The following PCNX2 variants were observed in gnomAD, a reference collection of about 807,000 sequenced individuals.
PCNX2 encodes the protein pecanex-like protein 2.
Under a neutral mutation model 223.8 loss-of-function variants are expected in PCNX2, and 168 were observed. That is an observed-to-expected ratio of 0.75 (90% CI 0.66 to 0.85). The LOEUF (loss-of-function observed/expected upper bound fraction) is 0.85. Ranked by LOEUF, PCNX2 falls within the 40% of genes least tolerant of loss-of-function variation. The pLI is 0.00. For missense variants in PCNX2, 2,507 were observed against 2,675.5 expected, an observed-to-expected ratio of 0.94 and a Z score of 1.39; for synonymous variants, 1,006 against 1,052.6, an observed-to-expected ratio of 0.96 and a Z score of 0.86.
intron 8 of PCNX2, 73 bp from the exon 9 acceptor site, chr1:233,237,053 C>T (rs1396267671): frequency 1.7e-5 from 27 of 1,581,896 alleles, no homozygotes; most frequent in Non-Finnish European, 2.2e-5. Flanking sequence ...TACACAAACA[C>T]AAGGACAATA....
chr1:233,237,201 G>A (rs1658476068), intron 8 of PCNX2, among the ~76,000 whole-genome samples: 1 of 152,194 alleles, frequency 6.6e-6, no homozygotes. Flanking sequence ...AGGCTACCCA[G>A]GGTTGCAGTG....
chr1:233,021,678 C>T (rs1010149296), intron 26 of PCNX2, among the ~76,000 whole-genome samples: 8 of 152,154 alleles, frequency 5.3e-5, no homozygotes, highest in African/African-American at 1.9e-4. Flanking sequence ...CTGCCTGCCT[C>T]TCCTAGCCCA....
At chr1:233,324,000 T>A in the PCNX2 span, among the ~76,000 whole-genome samples, 1 of 152,184 alleles carries the variant, frequency 6.6e-6, no homozygotes, top group African/African-American at 2.4e-5. Context: ...AATAAACACA[T>A]GAATGATAAG....
chr1:233,211,078 G>A (rs576321711), intron 12 of PCNX2, among the ~76,000 whole-genome samples: 3 of 152,156 alleles, frequency 2.0e-5, no homozygotes, highest in South Asian at 2.1e-4. Flanking sequence ...CAGCTGCTTC[G>A]AATGTTCTGT....
In PCNX2 at chr1:233,000,929, A is replaced by G. The variant is rs1670060194; in HGVS notation, c.5098-394T>C. Among the ~76,000 whole-genome samples the G allele has an allele frequency of 2.0e-5, 3 of 152,236 alleles. No individual in the cohort carries two copies. The highest frequency in any genetic ancestry group is 6.5e-5 in the Admixed American group (1 of 15,286). ...AGTCAAGACTATCTGGACGGCTTCA[A>G]TGCTTAGTTACCTAAGTAATAAACC... On this transcript the variant is annotated intron_variant, in intron 29 of 33. Transcript: ENST00000258229. The surrounding 1 kb of genome is among the most constrained non-coding windows in gnomAD (Gnocchi z 4.6).
At position 233,135,357 on chromosome 1, in the gene PCNX2, C is replaced by G. The variant is rs180913730; in HGVS notation, c.3660-167G>C. On this transcript the variant is annotated intron_variant, in intron 20 of 33. Coordinates refer to ENST00000258229, the MANE Select transcript of PCNX2 (RefSeq NM_014801.4). ...TGTCTGCATTTTACAGGGGTATAAA[C>G]TGAATATCAAGGAATTTGAGGAACT... Among the ~76,000 whole-genome samples the G allele has an allele frequency of 1.1e-4, 16 of 152,280 alleles. No homozygotes were observed. The East Asian group carries it at 3.1e-3, about 29-fold the overall frequency.
At chr1:233,257,443 T>A (rs767025020) in intron 5 of PCNX2, among the ~76,000 whole-genome samples, 16 of 152,238 alleles carry the variant, frequency 1.1e-4, no homozygotes, top group Non-Finnish European at 4.4e-5. Flanking sequence ...AATAATTATG[T>A]TGGCAAAACA....
intron 23 of PCNX2, among the ~76,000 whole-genome samples, chr1:233,077,915 G>C (rs980190642): frequency 7.9e-5 from 12 of 152,156 alleles, no homozygotes; most frequent in African/African-American, 2.9e-4. Context: ...CTATGGAGTG[G>C]AGATGATGAC....
At chr1:233,188,627 A>T (rs1263985078) in intron 15 of PCNX2, among the ~76,000 whole-genome samples, 2 of 151,920 alleles carry the variant, frequency 1.3e-5, no homozygotes, top group African/African-American at 4.8e-5. Flanking sequence ...GGTTCAAGTG[A>T]TTCTCCTGCC....
intron 1 of PCNX2, among the ~76,000 whole-genome samples, chr1:233,287,686 G>C (rs1227663038): frequency 2.0e-5 from 3 of 152,148 alleles, no homozygotes; most frequent in Admixed American, 2.0e-4. Context: ...GTATGAAAAT[G>C]GACTAATATG....
intron 4 of PCNX2, 29 bp from the exon 5 acceptor site, chr1:233,259,373 C>A: frequency 1.9e-6 from 3 of 1,563,174 alleles, no homozygotes; most frequent in South Asian, 2.4e-5. Flanking sequence ...ACTTTATTAG[C>A]ATCAGAAATG....
At chr1:233,245,527 T>C (rs1260178558) in intron 8 of PCNX2, among the ~76,000 whole-genome samples, 2 of 152,264 alleles carry the variant, frequency 1.3e-5, no homozygotes, top group Admixed American at 1.3e-4. Flanking sequence ...CAGAGGCTGC[T>C]TTCCCACTGG....
chr1:233,176,934 C>G (rs1216464044), intron 17 of PCNX2, among the ~76,000 whole-genome samples: 1 of 152,104 alleles, frequency 6.6e-6, no homozygotes, highest in Non-Finnish European at 1.5e-5. Flanking sequence ...ATGGTGTGAA[C>G]CTGGGAGGCG....
chr1:233,018,259 A>C (rs1670755090), intron 26 of PCNX2, among the ~76,000 whole-genome samples: 1 of 152,024 alleles, frequency 6.6e-6, no homozygotes, highest in South Asian at 2.1e-4. Context: ...CCTGGGCTCA[A>C]GCATCCTCTT....
intron 15 of PCNX2, among the ~76,000 whole-genome samples, chr1:233,179,850 C>T (rs1019258994): frequency 6.6e-6 from 1 of 152,216 alleles, no homozygotes; most frequent in African/African-American, 2.4e-5. Context: ...CTTCCTTAAA[C>T]CTTTCATGAG....
chr1:233,069,926 C>G (rs901397601), intron 23 of PCNX2, among the ~76,000 whole-genome samples: 1 of 151,830 alleles, frequency 6.6e-6, no homozygotes, highest in Non-Finnish European at 1.5e-5. Context: ...ATCAAAGAGC[C>G]AAAGAGCTGG....
intron 21 of PCNX2, among the ~76,000 whole-genome samples, chr1:233,130,790 C>G (rs372194309): frequency 1.3e-5 from 2 of 148,536 alleles, no homozygotes; most frequent in Admixed American, 6.7e-5. Flanking sequence ...GCACCCCCCC[C>G]TTTTTTTTTT....
intron 8 of PCNX2, among the ~76,000 whole-genome samples, chr1:233,238,308 G>A (rs562231570): frequency 1.3e-5 from 2 of 152,254 alleles, no homozygotes; most frequent in South Asian, 2.1e-4. Context: ...TAAAGTTTCT[G>A]ACAATCTTTT....
At chr1:233,237,891 C>A (rs575834354) in intron 8 of PCNX2, among the ~76,000 whole-genome samples, 1 of 152,328 alleles carries the variant, frequency 6.6e-6, no homozygotes, top group South Asian at 2.1e-4. Context: ...TAAGAGGTCA[C>A]TGGGGAGCAA....
Sources: allele counts gnomAD v4.1 joint callset (sites outside exome capture counted in the v4.1 genomes callset), GRCh38; gene constraint gnomAD v4.1.1; non-coding constraint Gnocchi (gnomAD v3.1); transcripts MANE v1.5; gene names NCBI Gene and HGNC (gene_info 2026-07-23, HGNC 2026-07-21).